Variants in LRRC36 observed in about 807,000 individuals in gnomAD.
LRRC36 encodes leucine rich repeat containing 36.
In LRRC36, 62 loss-of-function variants were observed where a neutral mutation model predicts 81.1. That is an observed-to-expected ratio of 0.76 (90% CI 0.62 to 0.94). LRRC36 has a LOEUF of 0.94. Ranked by LOEUF, LRRC36 falls within the 40% of genes least tolerant of loss-of-function variation. LRRC36 has a pLI of 0.00. For missense variants in LRRC36, 761 were observed against 881.7 expected, an observed-to-expected ratio of 0.86 and a Z score of 1.73; for synonymous variants, 334 against 348.6, an observed-to-expected ratio of 0.96 and a Z score of 0.47.
chr16:67,341,073 G>A (rs2038043338), intron 1 of LRRC36, among the ~76,000 whole-genome samples: 2 of 106,184 alleles, frequency 1.9e-5, no homozygotes, highest in Non-Finnish European at 1.9e-5. Flanking sequence ...TATAGAATAT[G>A]TACTCTACAT....
intron 10 of LRRC36, 128 bp downstream of exon 10, chr16:67,375,540 C>A (rs567661486): frequency 2.9e-5 from 19 of 666,038 alleles, no homozygotes; most frequent in Admixed American, 1.8e-4. Flanking sequence ...CCTGAAACAT[C>A]TCAGAAACAT....
chr16:67,340,666 GA>G lies in LRRC36; in HGVS notation c.71-1283del, dbSNP rs111828199. Among the ~76,000 whole-genome samples, 1,078 of 150,560 alleles carry G rather than the reference GA, an allele frequency of 7.2e-3. 23 individuals are homozygous for G. Among genetic ancestry groups the G allele is most frequent in the African/African-American group, 0.024 (996 of 41,034 alleles). On this transcript the variant is annotated intron_variant, in intron 1 of 13. Coordinates refer to ENST00000329956, the MANE Select transcript of LRRC36 (RefSeq NM_018296.6). ...GCAAGACTCCATCTCAAAAAAAATAGAAAAAAAAGTCTAGTTGACTTTTATC... is the reference window on the plus strand; with the variant it reads ...GCAAGACTCCATCTCAAAAAAAATAGAAAAAAAGTCTAGTTGACTTTTATC...
chr16:67,371,277 C>T (rs747602566), intron 9 of LRRC36, 35 bp downstream of exon 9: 2 of 1,613,092 alleles, frequency 1.2e-6, no homozygotes, highest in African/African-American at 2.7e-5. Flanking sequence ...GTGCGAGAAA[C>T]AGGTCAGGTT....
chr16:67,329,157 C>T (rs2037352370), intron 1 of LRRC36, among the ~76,000 whole-genome samples: 1 of 152,200 alleles, frequency 6.6e-6, no homozygotes. Flanking sequence ...GATCCACCCA[C>T]CTCAGCCTCC....
intron 5 of LRRC36, 127 bp from the exon 6 acceptor site, chr16:67,363,463 T>TC: frequency 1.2e-6 from 1 of 812,992 alleles, no homozygotes; most frequent in Non-Finnish European, 1.9e-6. Flanking sequence ...TCATGTGGTC[T>TC]CCAAGTGGTG....
chr16:67,342,456 G>A (rs1437641483), intron 2 of LRRC36, among the ~76,000 whole-genome samples: 1 of 152,138 alleles, frequency 6.6e-6, no homozygotes, highest in African/African-American at 2.4e-5. Flanking sequence ...GACATACTCA[G>A]GGGATTCTGA....
At chr16:67,373,338 G>T (rs2039740011) in intron 9 of LRRC36, among the ~76,000 whole-genome samples, 1 of 151,870 alleles carries the variant, frequency 6.6e-6, no homozygotes, top group South Asian at 2.1e-4. Flanking sequence ...AAATAAAAAA[G>T]AAATATACTT....
intron 1 of LRRC36, among the ~76,000 whole-genome samples, chr16:67,340,891 A>G (rs867713757): frequency 3.0e-5 from 3 of 101,448 alleles, no homozygotes; most frequent in African/African-American, 2.9e-4. Flanking sequence ...TATAGAATAT[A>G]TACTACATAT....
chr16:67,337,710 C>G (rs971883329), intron 1 of LRRC36, among the ~76,000 whole-genome samples: 4 of 151,742 alleles, frequency 2.6e-5, no homozygotes, highest in Admixed American at 2.6e-4. Flanking sequence ...AATTTTTTTT[C>G]TTTTCTAATC....
chr16:67,366,380 C>T (rs1025138851), intron 7 of LRRC36, among the ~76,000 whole-genome samples: 7 of 151,968 alleles, frequency 4.6e-5, no homozygotes, highest in Admixed American at 6.6e-5. Flanking sequence ...TTTGGGAGTC[C>T]GAGGCAGGTG....
chr16:67,341,103 C>G (rs1401356987), intron 1 of LRRC36, among the ~76,000 whole-genome samples: 18 of 104,332 alleles, frequency 1.7e-4, no homozygotes, highest in East Asian at 2.8e-4. Context: ...AATATGTACT[C>G]TACATATTCT....
At chr16:67,352,340 A>T (rs971273473) in intron 5 of LRRC36, among the ~76,000 whole-genome samples, 2 of 152,242 alleles carry the variant, frequency 1.3e-5, no homozygotes, top group African/African-American at 4.8e-5. Flanking sequence ...TGGTTATGCC[A>T]TGTTAATGGC....
At chr16:67,345,354 T>C (rs1401053044) in intron 2 of LRRC36, among the ~76,000 whole-genome samples, 1 of 150,922 alleles carries the variant, frequency 6.6e-6, no homozygotes, top group Non-Finnish European at 1.5e-5. Context: ...CATATGTACA[T>C]GTTTTGAAAT....
chr16:67,380,715 T>TA (rs1206538762), intron 12 of LRRC36, among the ~76,000 whole-genome samples: 2 of 152,212 alleles, frequency 1.3e-5, no homozygotes, highest in African/African-American at 2.4e-5. Context: ...ACTAGATACT[T>TA]ACTTTCATTC....
At chr16:67,347,121 A>T (rs1297055641) in intron 3 of LRRC36, among the ~76,000 whole-genome samples, 2 of 152,094 alleles carry the variant, frequency 1.3e-5, no homozygotes, top group African/African-American at 4.8e-5. Flanking sequence ...TTGAGTATAC[A>T]TTTCTTATTG....
intron 5 of LRRC36, among the ~76,000 whole-genome samples, 163 bp downstream of exon 5, chr16:67,350,453 G>A (rs977721420): frequency 1.3e-5 from 2 of 152,174 alleles, no homozygotes; most frequent in Non-Finnish European, 2.9e-5. Flanking sequence ...ACTGCCAGAA[G>A]GACCTTACAG....
At position 67,326,906 on chromosome 16, in the gene LRRC36, T is replaced by C. The variant is rs1460572086; in HGVS notation, c.44T>C (p.Leu15Pro). The C allele has an allele frequency of 6.8e-7, 1 of 1,480,792 alleles. No individual in the cohort carries two copies. 91.7% of individuals were successfully genotyped at this position (1,480,792 alleles called of 1,614,324 possible). The change falls in exon 1 of 14, where the codon CTG becomes CCG. Residue 15 changes from leucine to proline, a missense_variant. Leu to Pro is a moderately conservative substitution (Grantham distance 98). Transcript: ENST00000329956. ...WELDEEGIRRLGALTLEQPEL... is the reference protein window; with the variant it reads ...WELDEEGIRRPGALTLEQPEL... ...CTGGACGAGGAAGGCATTCGCCGCC[T>C]GGGGGCGCTGACGCTGGAGCAGCCG... is the stretch of plus-strand genomic sequence containing the variant.
intron 8 of LRRC36, among the ~76,000 whole-genome samples, chr16:67,368,863 A>G (rs187902162): frequency 1.7e-3 from 255 of 152,316 alleles, no homozygotes; most frequent in Middle Eastern, 3.4e-3. Flanking sequence ...TGGTTTGCTG[A>G]TGGATCCAGG....
intron 5 of LRRC36, among the ~76,000 whole-genome samples, chr16:67,353,807 T>C (rs972682870): frequency 1.3e-5 from 2 of 152,226 alleles, no homozygotes; most frequent in Admixed American, 6.5e-5. Flanking sequence ...GCCCTAGTTA[T>C]GCAGTAAGTG....
Sources: gnomAD v4.1 joint callset for allele counts (sites outside exome capture counted in the v4.1 genomes callset) on GRCh38, gnomAD v4.1.1 for gene constraint, MANE v1.5 for transcripts, NCBI Gene and HGNC (gene_info 2026-07-23, HGNC 2026-07-21) for gene names.